The following TMEM163 variants were observed in gnomAD, a reference collection of about 807,000 sequenced individuals.
TMEM163 encodes transmembrane protein 163.
A neutral mutation model predicts 29.3 loss-of-function variants in TMEM163; 17 were observed. The ratio of observed to expected loss-of-function variants is 0.58; its 90% CI spans 0.40 to 0.87. The LOEUF is 0.87. TMEM163 is among the 40% of genes least tolerant of loss of function. The pLI is 0.00. For missense variants in TMEM163, 303 were observed against 381.5 expected (o/e 0.79, Z 1.71); for synonymous variants, 157 against 160.6 (o/e 0.98, Z 0.17).
chr2:134,493,362 C>CTTTTTTTTTTTTTTTTTTTT (rs1159013721), intron 5 of TMEM163, among the ~76,000 whole-genome samples: 1 of 49,828 alleles, frequency 2.0e-5, no homozygotes, highest in African/African-American at 8.9e-5. Flanking sequence ...CTTTTGGTGT[C>CTTTTTTTTTTTTTTTTTTTT]TTTTTTTTTT....
chr2:134,566,433 C>T (rs1358266358), intron 2 of TMEM163, among the ~76,000 whole-genome samples: 1 of 152,040 alleles, frequency 6.6e-6, no homozygotes, highest in East Asian at 1.9e-4. Context: ...TGTGGTAGCA[C>T]GTGCCTATAG....
At chr2:134,552,987 G>A (rs1018780882) in intron 2 of TMEM163, among the ~76,000 whole-genome samples, 2 of 152,088 alleles carry the variant, frequency 1.3e-5, no homozygotes, top group African/African-American at 2.4e-5. Context: ...ATTGGAGGAC[G>A]TCAATTGGGT....
intron 2 of TMEM163, 110 bp from the exon 3 acceptor site, chr2:134,552,201 C>G (rs930435001): frequency 3.8e-6 from 3 of 786,484 alleles, no homozygotes; most frequent in Non-Finnish European, 5.9e-6. Flanking sequence ...TCCAAGAGAA[C>G]AAAACCAAAA....
chr2:134,544,915 G>A (rs911613225), intron 4 of TMEM163, among the ~76,000 whole-genome samples: 4 of 152,114 alleles, frequency 2.6e-5, no homozygotes, highest in African/African-American at 7.2e-5. Context: ...CACAGCCATC[G>A]CCGCTGAGCA....
intron 2 of TMEM163, among the ~76,000 whole-genome samples, chr2:134,554,422 CA>C (rs941286100): frequency 0.052 from 1,098 of 21,102 alleles, 3 homozygotes; most frequent in African/African-American, 0.11. Flanking sequence ...GACCCCATCT[CA>C]AAAAAAAAAA....
chr2:134,667,871 A>C (rs1683901761), intron 2 of TMEM163, among the ~76,000 whole-genome samples: 3 of 152,186 alleles, frequency 2.0e-5, no homozygotes. Flanking sequence ...CACCAATATC[A>C]CCTAGACACA....
At chr2:134,696,124 T>C (rs1684576290) in intron 2 of TMEM163, among the ~76,000 whole-genome samples, 1 of 152,136 alleles carries the variant, frequency 6.6e-6, no homozygotes, top group Admixed American at 6.5e-5. Flanking sequence ...AATTTATATT[T>C]GTATATGTGG....
In TMEM163 at chr2:134,467,024, C is replaced by T. The variant is rs572089030; in HGVS notation, c.556-799G>A. The T allele has an allele frequency of 2.6e-5, 4 of 152,294 alleles. No individual in the cohort carries two copies. The East Asian group carries it at 7.7e-4, about 29-fold the overall frequency. The allele number at this position is 152,294 out of a possible 1,614,324, so 9.4% of individuals were successfully genotyped here. A position where few individuals can be genotyped will look rare whatever the true frequency, so the allele number is the denominator to read the frequency against. ...CAGCATCATAAATAGGCAAAGAAAT[C>T]GGCTTCTCCCTATGCATTTTATTAA... On this transcript the variant is annotated intron_variant, in intron 5 of 7. Coordinates refer to ENST00000281924, the MANE Select transcript of TMEM163 (RefSeq NM_030923.5).
At position 134,456,784 on chromosome 2, in the gene TMEM163, G is replaced by A; in HGVS notation, c.810-8C>T. On this transcript the variant is annotated splice_region_variant and splice_polypyrimidine_tract_variant and intron_variant, in intron 7 of 7. Coordinates refer to ENST00000281924, the MANE Select transcript of TMEM163 (RefSeq NM_030923.5). ...ACCATGTCGATGAGGAGTCTGCAAA[G>A]ACGAAGACAGACAAGGTCACCTCCA... 6.2e-7 allele frequency: 1 copy of A among 1,613,174 alleles called. No individual in the cohort carries two copies.
At chr2:134,505,052 CAGG>C (rs1243775581) in intron 4 of TMEM163, among the ~76,000 whole-genome samples, 1 of 152,102 alleles carries the variant, frequency 6.6e-6, no homozygotes, top group African/African-American at 2.4e-5. Flanking sequence ...GGTCCCATTA[CAGG>C]AGAAGAGCCT....
intron 5 of TMEM163, among the ~76,000 whole-genome samples, chr2:134,502,417 C>T (rs981725157): frequency 1.3e-5 from 2 of 152,300 alleles, no homozygotes; most frequent in African/African-American, 2.4e-5. Flanking sequence ...GTCAAAGACA[C>T]ATTTTAATAT....
intron 2 of TMEM163, among the ~76,000 whole-genome samples, chr2:134,635,888 A>G (rs1018906506): frequency 6.6e-6 from 1 of 152,030 alleles, no homozygotes; most frequent in Non-Finnish European, 1.5e-5. Flanking sequence ...GCAAGCAGAG[A>G]CCCCATGAAC....
At position 134,661,925 on chromosome 2, in the gene TMEM163, C is replaced by CTTTT. The variant is rs201436466; in HGVS notation, c.322+51274_322+51275insAAAA. 4.8e-3 allele frequency among the ~76,000 whole-genome samples: 383 copies of CTTTT among 79,048 alleles called. 64 individuals carry two copies. The highest frequency in any genetic ancestry group is 0.013 in the African/African-American group (222 of 16,982). 51.9% of individuals were successfully genotyped at this position (79,048 alleles called of 152,430 possible). Reference sequence around the variant, plus strand: ...AAGTTTTCATGGATTCATTAATTTTCTTTCTTTTTTTTTTTTTTTTTTTTG... The same window carrying CTTTT: ...AAGTTTTCATGGATTCATTAATTTTCTTTTTTTCTTTTTTTTTTTTTTTTTTTTG... On this transcript the variant is annotated intron_variant, in intron 2 of 7. Coordinates refer to ENST00000281924, the MANE Select transcript of TMEM163 (RefSeq NM_030923.5).
At chr2:134,660,401 A>G (rs2104857997) in intron 2 of TMEM163, among the ~76,000 whole-genome samples, 1 of 152,342 alleles carries the variant, frequency 6.6e-6, no homozygotes, top group Non-Finnish European at 1.5e-5. Flanking sequence ...GAGAGGGGGC[A>G]GATTCGAGGC....
At chr2:134,618,000 G>A (rs980096253) in intron 2 of TMEM163, among the ~76,000 whole-genome samples, 1 of 151,980 alleles carries the variant, frequency 6.6e-6, no homozygotes, top group Admixed American at 6.6e-5. Flanking sequence ...TGTGGTCCTA[G>A]CTGCTTAGAA....
rs201024747 is a variant in TMEM163, at chr2:134,579,421, A to AT, written c.323-27331dup. Among the ~76,000 whole-genome samples, 308 of 152,288 alleles carry AT rather than the reference A, an allele frequency of 2.0e-3. 2 individuals are homozygous for AT. The highest frequency in any genetic ancestry group is 7.0e-3 in the African/African-American group (289 of 41,554). On this transcript the variant is annotated intron_variant, in intron 2 of 7. Coordinates refer to ENST00000281924, the MANE Select transcript of TMEM163 (RefSeq NM_030923.5). ...AATGTTTTAGGATGATTCTTCCATG[A>AT]TTTTTTAAAAACAAATATGAAGTTT...
chr2:134,646,578 G>C (rs1218168939), intron 2 of TMEM163, among the ~76,000 whole-genome samples: 1 of 151,966 alleles, frequency 6.6e-6, no homozygotes, highest in Non-Finnish European at 1.5e-5. Context: ...CCACGTAGCT[G>C]GGATTACAGG....
intron 2 of TMEM163, among the ~76,000 whole-genome samples, chr2:134,560,225 C>T (rs575651089): frequency 1.3e-5 from 2 of 152,314 alleles, no homozygotes; most frequent in Admixed American, 1.3e-4. Context: ...TACATCTCAT[C>T]TACCACATTA....
rs372326655 is a variant in TMEM163, at chr2:134,621,751, C to T, written c.323-69660G>A. Among the ~76,000 whole-genome samples the T allele has an allele frequency of 6.6e-5, 10 of 151,760 alleles. No homozygotes were observed. The South Asian group carries it at 1.5e-3, about 22-fold the overall frequency. On this transcript the variant is annotated intron_variant, in intron 2 of 7. Transcript: ENST00000281924. Reference sequence around the variant, plus strand: ...TAAAAATACAAAAAAATTAGCCGGGCGTGGTGGCAGGCGCCTGTAGTCCCA... The same window carrying T: ...TAAAAATACAAAAAAATTAGCCGGGTGTGGTGGCAGGCGCCTGTAGTCCCA...
Sources: allele counts gnomAD v4.1 joint callset (sites outside exome capture counted in the v4.1 genomes callset), GRCh38; gene constraint gnomAD v4.1.1; transcripts MANE v1.5; gene names NCBI Gene and HGNC (gene_info 2026-07-23, HGNC 2026-07-21).